Variants in CEP112 observed in about 807,000 individuals in gnomAD.
The protein encoded by CEP112 is centrosomal protein 112, also known as centrosomal protein of 112 kDa.
Under a neutral mutation model 153.0 loss-of-function variants are expected in CEP112, and 127 were observed. That is an observed-to-expected ratio of 0.83 (90% CI 0.72 to 0.96). The LOEUF is 0.96. Among genes scored for constraint, CEP112 ranks in the 40% least tolerant of loss-of-function variants. The probability of loss-of-function intolerance (pLI) is 0.00; values close to 1 mark genes in which losing one functional copy is unlikely to be tolerated. For missense variants in CEP112, 1,089 were observed against 1,101.2 expected (o/e 0.99, Z 0.16); for synonymous variants, 358 against 374.4 (o/e 0.96, Z 0.51).
At position 65,679,129 on chromosome 17, in the gene CEP112, C is replaced by CTTTTTTTTTTTTTTTTT. The variant is rs57907674; in HGVS notation, c.2697+9983_2697+9999dup. On this transcript the variant is annotated intron_variant, in intron 24 of 26. Coordinates refer to ENST00000535342, the MANE Select transcript of CEP112 (RefSeq NM_001199165.4). ...AATGTCCTTGACACTGTGGTTCAAG[C>CTTTTTTTTTTTTTTTTT]TTTTTTTTTTTTTTTTTTTTTTTTT... Among the ~76,000 whole-genome samples, 12 of 31,630 alleles carry CTTTTTTTTTTTTTTTTT rather than the reference C, an allele frequency of 3.8e-4. 5 individuals carry two copies. The highest frequency in any genetic ancestry group is 1.1e-3 in the Admixed American group (2 of 1,870). The allele number at this position is 31,630 out of a possible 152,430, so 20.8% of individuals were successfully genotyped here.
intron 8 of CEP112, among the ~76,000 whole-genome samples, chr17:66,080,501 A>C (rs894584055): frequency 6.6e-6 from 1 of 152,234 alleles, no homozygotes; most frequent in African/African-American, 2.4e-5. Flanking sequence ...ATCATTAAAA[A>C]GTCAGGAAAC....
chr17:65,824,939 A>G (rs1001460780), intron 21 of CEP112, among the ~76,000 whole-genome samples: 3 of 152,212 alleles, frequency 2.0e-5, no homozygotes, highest in African/African-American at 7.2e-5. Flanking sequence ...TGAAAAATTA[A>G]AAACAGAATT....
intron 24 of CEP112, among the ~76,000 whole-genome samples, chr17:65,641,900 C>T (rs2143349711): frequency 6.6e-6 from 1 of 152,328 alleles, no homozygotes; most frequent in African/African-American, 2.4e-5. Context: ...GTGCACTGGG[C>T]ATAGGAAGGT....
intron 16 of CEP112, among the ~76,000 whole-genome samples, chr17:66,023,341 GA>G (rs961897210): frequency 1.2e-4 from 18 of 151,758 alleles, no homozygotes; most frequent in Non-Finnish European, 2.1e-4. Context: ...CACCTATTAA[GA>G]AAAAAAACAT....
Position 65,640,161 on chromosome 17 carries a change from T to A in CEP112, c.2799+803A>T, listed in dbSNP as rs1324088678. Among the ~76,000 whole-genome samples, 183 of 139,948 alleles carry A rather than the reference T, an allele frequency of 1.3e-3. 3 individuals carry two copies. Among genetic ancestry groups the A allele is most frequent in the Non-Finnish European group, 2.3e-3 (149 of 65,150 alleles). The allele number at this position is 139,948 out of a possible 152,430, so 91.8% of individuals were successfully genotyped here. On this transcript the variant is annotated intron_variant, in intron 25 of 26. Coordinates refer to ENST00000535342, the MANE Select transcript of CEP112 (RefSeq NM_001199165.4). ...CCATATATATATATATATATTTTTT[T>A]TTTTTTTTTTTTGAGACAGTCTTTT...
intron 6 of CEP112, among the ~76,000 whole-genome samples, chr17:66,099,150 T>C (rs1445917807): frequency 6.6e-6 from 1 of 151,972 alleles, no homozygotes; most frequent in African/African-American, 2.4e-5. Flanking sequence ...TAAAGGGAGA[T>C]AAAAAAGCAG....
At position 65,647,259 on chromosome 17, in the gene CEP112, C is replaced by T. The variant is rs111742821; in HGVS notation, c.2698-6194G>A. Among the ~76,000 whole-genome samples, 514 of 151,194 alleles carry T rather than the reference C, an allele frequency of 3.4e-3. 3 individuals carry two copies. The highest frequency in any genetic ancestry group is 0.012 in the African/African-American group (493 of 41,094). ...CGCGATCTCGGCTCAGCGCAACCTC[C>T]GCCTCCTGGGTTCAAGCGATTCTCC... On this transcript the variant is annotated intron_variant, in intron 24 of 26. Coordinates refer to ENST00000535342, the MANE Select transcript of CEP112 (RefSeq NM_001199165.4).
intron 17 of CEP112, among the ~76,000 whole-genome samples, chr17:65,999,494 C>T (rs2063930090): frequency 6.6e-6 from 1 of 152,084 alleles, no homozygotes; most frequent in Middle Eastern, 3.2e-3. Context: ...AGCCACCACG[C>T]CCGGCCAGAA....
At chr17:66,181,999 A>G (rs924823595) in intron 2 of CEP112, 15 of 152,338 alleles carry the variant, frequency 9.8e-5, no homozygotes, top group African/African-American at 3.6e-4. Context: ...GCCCTAGAAC[A>G]ATAAGTGAAC....
chr17:65,914,175 CAT>C (rs1357414026), intron 19 of CEP112, among the ~76,000 whole-genome samples: 2 of 151,122 alleles, frequency 1.3e-5, no homozygotes, highest in Non-Finnish European at 2.9e-5. Flanking sequence ...TAGAAAAAAA[CAT>C]GTCTTAACTG....
intron 6 of CEP112, among the ~76,000 whole-genome samples, chr17:66,120,499 C>A (rs1048372243): frequency 5.3e-5 from 8 of 151,940 alleles, no homozygotes; most frequent in African/African-American, 1.7e-4. Context: ...CTGCGCCCAG[C>A]CTGTTGGGAG....
chr17:66,013,884 A>C (rs955944517), intron 16 of CEP112, among the ~76,000 whole-genome samples: 1 of 152,122 alleles, frequency 6.6e-6, no homozygotes, highest in Non-Finnish European at 1.5e-5. Context: ...CAGTGTTGGC[A>C]TAGCAGTGGA....
chr17:66,082,999 TCTAAAGG>T, intron 8 of CEP112, among the ~76,000 whole-genome samples: 1 of 152,140 alleles, frequency 6.6e-6, no homozygotes, highest in East Asian at 1.9e-4. Flanking sequence ...TAGCTCCATT[TCTAAAGG>T]CTAAATATTT....
intron 4 of CEP112, among the ~76,000 whole-genome samples, chr17:66,156,600 T>C (rs1189386473): frequency 6.6e-6 from 1 of 152,032 alleles, no homozygotes; most frequent in Non-Finnish European, 1.5e-5. Flanking sequence ...TAAAGGAGCA[T>C]GTTCTAACCC....
chr17:65,700,284 C>CA lies in CEP112; in HGVS notation c.2608-11067dup, dbSNP rs1227566494. On this transcript the variant is annotated intron_variant, in intron 23 of 26. Transcript: ENST00000535342. Reference sequence around the variant, plus strand: ...CAGACGTGGTACTAAACATTACCCTCAAAAAGCATCTAATCTAATGTGTAC... The same window carrying CA: ...CAGACGTGGTACTAAACATTACCCTCAAAAAAGCATCTAATCTAATGTGTAC... Among the ~76,000 whole-genome samples, 4 of 152,294 alleles carry CA rather than the reference C, an allele frequency of 2.6e-5. No homozygotes were observed. In the East Asian group the frequency reaches 7.7e-4, roughly 29 times the overall value.
chr17:66,169,899 T>C (rs1485886622), intron 4 of CEP112, among the ~76,000 whole-genome samples: 2 of 152,172 alleles, frequency 1.3e-5, no homozygotes, highest in Non-Finnish European at 2.9e-5. Context: ...ACAGCTGAAC[T>C]GGGTCTTCTG....
chr17:66,053,166 A>G (rs953442717), intron 12 of CEP112, among the ~76,000 whole-genome samples: 3 of 151,772 alleles, frequency 2.0e-5, no homozygotes, highest in African/African-American at 7.3e-5. Flanking sequence ...GGAAAAAAAA[A>G]CAAGAAGAAA....
chr17:65,969,794 G>A (rs1000461988), intron 17 of CEP112, among the ~76,000 whole-genome samples: 1 of 151,966 alleles, frequency 6.6e-6, no homozygotes, highest in East Asian at 1.9e-4. Flanking sequence ...TTACATGCAT[G>A]CGCATCACAT....
chr17:65,967,933 A>T (rs1006626191), intron 17 of CEP112, among the ~76,000 whole-genome samples: 1 of 152,138 alleles, frequency 6.6e-6, no homozygotes, highest in Non-Finnish European at 1.5e-5. Context: ...AAATCTTTAA[A>T]TTCTTTAAAC....
Sources: allele counts gnomAD v4.1 joint callset (sites outside exome capture counted in the v4.1 genomes callset), GRCh38; gene constraint gnomAD v4.1.1; transcripts MANE v1.5; gene names NCBI Gene and HGNC (gene_info 2026-07-23, HGNC 2026-07-21).